Variants in DPYD observed in about 807,000 individuals in gnomAD.
DPYD encodes the protein dihydropyrimidine dehydrogenase.
A neutral mutation model predicts 116.2 loss-of-function variants in DPYD; 109 were observed. That is an observed-to-expected ratio of 0.94 (90% confidence interval 0.80 to 1.10). DPYD has a LOEUF of 1.10. Ranked by LOEUF, DPYD falls within the 50% of genes least tolerant of loss-of-function variation. The pLI is 0.00. For missense variants in DPYD, 1,302 were observed against 1,254.5 expected, an observed-to-expected ratio of 1.04 and a Z score of -0.57; for synonymous variants, 440 against 432.0, an observed-to-expected ratio of 1.02 and a Z score of -0.23.
At chr1:97,245,793 T>C (rs1215937416) in intron 18 of DPYD, among the ~76,000 whole-genome samples, 1 of 152,144 alleles carries the variant, frequency 6.6e-6, no homozygotes, top group Non-Finnish European at 1.5e-5. Flanking sequence ...TTCTTTTCTC[T>C]CTGAAATCCT....
At chr1:97,104,733 G>A (rs562551205) in intron 20 of DPYD, among the ~76,000 whole-genome samples, 1 of 152,216 alleles carries the variant, frequency 6.6e-6, no homozygotes, top group South Asian at 2.1e-4. Context: ...AGGCACCGGG[G>A]AGCCAATGGA....
At chr1:97,769,015 T>A (rs1666013441) in intron 3 of DPYD, among the ~76,000 whole-genome samples, 1 of 152,044 alleles carries the variant, frequency 6.6e-6, no homozygotes, top group South Asian at 2.1e-4. Flanking sequence ...AGTGAAAATT[T>A]CATTTGGTTT....
chr1:97,262,143 C>T (rs1355663151), intron 18 of DPYD, among the ~76,000 whole-genome samples: 1 of 151,956 alleles, frequency 6.6e-6, no homozygotes. Context: ...TACCCACCTG[C>T]CTCATCTTTT....
intron 2 of DPYD, among the ~76,000 whole-genome samples, chr1:97,858,470 A>G (rs1350149107): frequency 1.3e-5 from 2 of 152,146 alleles, no homozygotes; most frequent in African/African-American, 4.8e-5. Context: ...TTTAAAAGTG[A>G]ATTTCATGAA....
intron 14 of DPYD, among the ~76,000 whole-genome samples, chr1:97,390,248 A>G (rs2101598544): frequency 6.6e-6 from 1 of 152,178 alleles, no homozygotes; most frequent in South Asian, 2.1e-4. Context: ...TTTAGTAGGG[A>G]AAAACTGCAA....
At chr1:97,698,249 G>A (rs1661408150) in intron 6 of DPYD, among the ~76,000 whole-genome samples, 1 of 151,690 alleles carries the variant, frequency 6.6e-6, no homozygotes, top group Admixed American at 6.6e-5. Flanking sequence ...ATTTTTGCTT[G>A]ATGATTCAGT....
chr1:97,608,702 T>A (rs1362125877), intron 8 of DPYD, among the ~76,000 whole-genome samples: 1 of 151,460 alleles, frequency 6.6e-6, no homozygotes, highest in Non-Finnish European at 1.5e-5. Context: ...ATAATGAAAA[T>A]TATTTTCATT....
chr1:97,246,233 A>G (rs764756079), intron 18 of DPYD, among the ~76,000 whole-genome samples: 4 of 152,114 alleles, frequency 2.6e-5, no homozygotes, highest in Non-Finnish European at 5.9e-5. Flanking sequence ...TTCAGTCAAA[A>G]TTATTTCTTG....
intron 1 of DPYD, among the ~76,000 whole-genome samples, chr1:97,902,522 A>G (rs1232335827): frequency 6.6e-6 from 1 of 151,816 alleles, no homozygotes. Flanking sequence ...GGATGCCCAC[A>G]TGTCAAGTAA....
intron 3 of DPYD, among the ~76,000 whole-genome samples, chr1:97,822,999 T>C (rs554687231): frequency 6.6e-6 from 1 of 152,204 alleles, no homozygotes; most frequent in African/African-American, 2.4e-5. Context: ...TTTTTTAAAA[T>C]AAGTTTGTTT....
chr1:97,760,855 G>A (rs996822675), intron 3 of DPYD, among the ~76,000 whole-genome samples: 1 of 152,066 alleles, frequency 6.6e-6, no homozygotes, highest in African/African-American at 2.4e-5. Flanking sequence ...CTCAGGTGGG[G>A]GACTGTAGTT....
chr1:97,565,481 A>ATCCCTACCTGC (rs1553196395), intron 11 of DPYD, among the ~76,000 whole-genome samples: 1 of 152,106 alleles, frequency 6.6e-6, no homozygotes, highest in African/African-American at 2.4e-5. Context: ...CTGCCATCTT[A>ATCCCTACCTGC]TCCCTACCTG....
chr1:97,329,932 T>A (rs947934962), intron 16 of DPYD, among the ~76,000 whole-genome samples: 2 of 151,330 alleles, frequency 1.3e-5, no homozygotes, highest in Non-Finnish European at 2.9e-5. Context: ...TATTTTGATA[T>A]CTTATTTCTA....
intron 20 of DPYD, among the ~76,000 whole-genome samples, chr1:97,147,583 A>G (rs765969862): frequency 1.1e-4 from 17 of 152,236 alleles, no homozygotes; most frequent in Non-Finnish European, 2.1e-4. Flanking sequence ...GTTATAGCGC[A>G]GAAGAGTGGT....
In DPYD at chr1:97,610,521, A is replaced by G. The variant is rs1266493493; in HGVS notation, c.851-15355T>C. On this transcript the variant is annotated intron_variant, in intron 8 of 22. Coordinates refer to ENST00000370192, the MANE Select transcript of DPYD (RefSeq NM_000110.4). Reference sequence around the variant, plus strand: ...CAACTGGCATTTCAGGAAAGAACACATCTAAACTATCATTCCTCCTCATTT... The same window carrying G: ...CAACTGGCATTTCAGGAAAGAACACGTCTAAACTATCATTCCTCCTCATTT... Among the ~76,000 whole-genome samples the G allele has an allele frequency of 3.3e-5, 5 of 152,214 alleles. No homozygotes were observed. The East Asian group carries it at 9.7e-4, about 29-fold the overall frequency.
At chr1:97,479,283 G>A (rs1350741046) in intron 13 of DPYD, among the ~76,000 whole-genome samples, 1 of 152,150 alleles carries the variant, frequency 6.6e-6, no homozygotes. Context: ...GATTTAAAGT[G>A]AGATGAGTTA....
intron 3 of DPYD, among the ~76,000 whole-genome samples, chr1:97,747,932 G>T (rs1664647560): frequency 6.6e-6 from 1 of 152,078 alleles, no homozygotes; most frequent in Non-Finnish European, 1.5e-5. Flanking sequence ...AATTTTTAAA[G>T]ATTATACCCT....
intron 19 of DPYD, among the ~76,000 whole-genome samples, chr1:97,195,109 A>G (rs1418992859): frequency 1.3e-5 from 2 of 152,170 alleles, no homozygotes; most frequent in African/African-American, 2.4e-5. Flanking sequence ...AACATGGCCC[A>G]ACATTACATC....
intron 3 of DPYD, among the ~76,000 whole-genome samples, chr1:97,752,525 C>T (rs900823859): frequency 6.6e-6 from 1 of 152,230 alleles, no homozygotes; most frequent in Non-Finnish European, 1.5e-5. Context: ...AATCTTGGTA[C>T]AATATTATCT....
Sources: allele counts gnomAD v4.1 joint callset (sites outside exome capture counted in the v4.1 genomes callset), GRCh38; gene constraint gnomAD v4.1.1; transcripts MANE v1.5; gene names NCBI Gene and HGNC (gene_info 2026-07-23, HGNC 2026-07-21).